The following PCDHA3 variants were observed in gnomAD, a reference collection of about 807,000 sequenced individuals.
The protein encoded by PCDHA3 is protocadherin alpha-3.
A neutral mutation model predicts 62.2 loss-of-function variants in PCDHA3; 41 were observed. That is an observed-to-expected ratio of 0.66 (90% CI 0.51 to 0.86). PCDHA3 has a LOEUF of 0.86. Ranked by LOEUF, PCDHA3 falls within the 40% of genes least tolerant of loss-of-function variation. PCDHA3 has a pLI of 0.00. For synonymous variants in PCDHA3, 640 were observed against 555.4 expected (o/e 1.15, Z -2.14); for missense variants, 1,304 against 1,241.2 (o/e 1.05, Z -0.76).
rs1309730061 is a variant in PCDHA3, at chr5:140,826,016, T to G, written c.2394+22425T>G. 2.6e-5 allele frequency among the ~76,000 whole-genome samples: 4 copies of G among 152,338 alleles called. No homozygotes were observed. In the South Asian group the frequency reaches 8.3e-4, roughly 32 times the overall value. On this transcript the variant is annotated intron_variant, in intron 1 of 3. Coordinates refer to ENST00000522353, the MANE Select transcript of PCDHA3 (RefSeq NM_018906.3). ...AGTAAATAGTCCACACTTTACATGA[T>G]AAAATGTGAATTCCCTATTTCTGTT...
chr5:140,802,410 T>C lies in PCDHA3; in HGVS notation c.1213T>C (p.Tyr405His), dbSNP rs1554122105. 1 of 1,614,228 alleles carries C rather than the reference T, an allele frequency of 6.2e-7. No individual in the cohort carries two copies. The highest frequency in any genetic ancestry group is 8.5e-7 in the Non-Finnish European group (1 of 1,180,032). The change falls in exon 1 of 4, where the codon TAC becomes CAC. Residue 405 changes from tyrosine (Y) to histidine (H), a missense_variant. Transcript: ENST00000522353. ...GCTGGTGTCCACCTTCAAGAATTAC[T>C]ACTCATTGGTGCTGGACAGCCCTCT... The part of the protein sequence containing the change: ...FKLVSTFKNY[Y>H]SLVLDSPLDR...
At chr5:140,969,410 T>C (rs528910445) in intron 1 of PCDHA3, 12 of 1,572,752 alleles carry the variant, frequency 7.6e-6, no homozygotes, top group South Asian at 1.2e-5. Flanking sequence ...TTTGGCTTTA[T>C]TGAGTCATTA....
chr5:140,841,732 C>G, intron 1 of PCDHA3: 7 of 1,613,858 alleles, frequency 4.3e-6, no homozygotes, highest in Non-Finnish European at 5.9e-6. Flanking sequence ...GGGTAAAAGA[C>G]CAAAAGCTGT....
In PCDHA3 at chr5:141,010,480, A is replaced by C; in HGVS notation, c.*543A>C. The C allele has an allele frequency of 1.4e-6, 1 of 696,098 alleles. No individual in the cohort carries two copies. Among genetic ancestry groups the C allele is most frequent in the Non-Finnish European group, 2.2e-6 (1 of 452,208 alleles). 43.1% of individuals were successfully genotyped at this position (696,098 alleles called of 1,614,324 possible). A position where few individuals can be genotyped will look rare whatever the true frequency, so the allele number is the denominator to read the frequency against. On this transcript the variant is annotated 3_prime_UTR_variant, in exon 4 of 4. Transcript: ENST00000522353. ...TTATCAGTATGGAGGGGAAGTGTAA[A>C]CTTAAAGGGACCAGACTTTCTAAAT...
rs2150380022 is a variant in PCDHA3, at chr5:140,845,577, T to A, written c.2394+41986T>A. 1.2e-4 allele frequency among the ~76,000 whole-genome samples: 18 copies of A among 149,706 alleles called. 1 individual carries two copies. The highest frequency in any genetic ancestry group is 6.9e-3 in the Middle Eastern group (2 of 290). On this transcript the variant is annotated intron_variant, in intron 1 of 3. Transcript: ENST00000522353. The stretch of plus-strand genomic sequence containing the variant: ...TTTTAGCTATTAAGAATTTCTGGGA[T>A]TGAAATGTGTCAGAAGTTAGTTATT...
intron 1 of PCDHA3, among the ~76,000 whole-genome samples, chr5:140,953,252 T>C (rs557973424): frequency 3.3e-5 from 5 of 152,318 alleles, no homozygotes; most frequent in Admixed American, 1.3e-4. Context: ...TTCAGTTTAG[T>C]TCTTTTAGCT....
chr5:140,891,970 C>G (rs1554185021), intron 1 of PCDHA3, among the ~76,000 whole-genome samples: 1 of 152,170 alleles, frequency 6.6e-6, no homozygotes, highest in East Asian at 1.9e-4. Flanking sequence ...AGTAAATTTC[C>G]GTTCTCATAA....
intron 1 of PCDHA3, among the ~76,000 whole-genome samples, chr5:140,939,155 G>C (rs1279259680): frequency 6.6e-6 from 1 of 152,196 alleles, no homozygotes; most frequent in Non-Finnish European, 1.5e-5. Flanking sequence ...GGTCCTGGCA[G>C]ATTTGTGTCT....
chr5:140,992,097 A>G (rs1466699064), intron 3 of PCDHA3, among the ~76,000 whole-genome samples: 7 of 151,212 alleles, frequency 4.6e-5, no homozygotes, highest in Non-Finnish European at 1.0e-4. Flanking sequence ...GAGAAAGAGA[A>G]TTAAGGTGAG....
chr5:140,834,770 C>G lies in PCDHA3; in HGVS notation c.2394+31179C>G, dbSNP rs781912893. 4 of 1,613,922 alleles carry G rather than the reference C, an allele frequency of 2.5e-6. No homozygotes were observed. Among genetic ancestry groups the G allele is most frequent in the African/African-American group, 1.3e-5 (1 of 74,870 alleles). On this transcript the variant is annotated intron_variant, in intron 1 of 3. Transcript: ENST00000522353. ...TGGAGGTGAAGGACATTAACGACAACCCTCCGGTGTTCCCAGCGACACAAA... is the reference window on the plus strand; with the variant it reads ...TGGAGGTGAAGGACATTAACGACAAGCCTCCGGTGTTCCCAGCGACACAAA...
intron 1 of PCDHA3, chr5:140,834,565 C>G (rs2150221167): frequency 2.5e-6 from 4 of 1,613,968 alleles, no homozygotes; most frequent in Admixed American, 3.3e-5. Context: ...GAGCTGGTGC[C>G]GCGCCTGTTC....
intron 1 of PCDHA3, among the ~76,000 whole-genome samples, chr5:140,917,749 C>G (rs2078340847): frequency 6.6e-6 from 1 of 152,144 alleles, no homozygotes; most frequent in African/African-American, 2.4e-5. Flanking sequence ...TCCCATTGGT[C>G]TATGTGTCTG....
intron 1 of PCDHA3, chr5:140,806,914 A>T: frequency 2.0e-6 from 1 of 491,334 alleles, no homozygotes; most frequent in Non-Finnish European, 3.6e-6. Context: ...CGACTGAAAT[A>T]ATAAATAAAA....
At chr5:140,958,620 T>C (rs1260968586) in intron 1 of PCDHA3, among the ~76,000 whole-genome samples, 1 of 152,132 alleles carries the variant, frequency 6.6e-6, no homozygotes, top group African/African-American at 2.4e-5. Flanking sequence ...CTAGTCCAGC[T>C]TGAGAGTACT....
intron 2 of PCDHA3, 83 bp from the exon 3 acceptor site, chr5:140,982,392 T>C: frequency 6.3e-7 from 1 of 1,598,158 alleles, no homozygotes. Context: ...GGCTTCATAG[T>C]TGTAAGCAAT....
chr5:140,849,154 C>G, intron 1 of PCDHA3: 1 of 1,231,386 alleles, frequency 8.1e-7, no homozygotes, highest in Non-Finnish European at 1.1e-6. Context: ...GGAGGCAAAC[C>G]CGAGCTGACT....
At chr5:140,954,947 T>G (rs2153704420) in intron 1 of PCDHA3, among the ~76,000 whole-genome samples, 1 of 152,360 alleles carries the variant, frequency 6.6e-6, no homozygotes, top group South Asian at 2.1e-4. Flanking sequence ...AGTTAATTTT[T>G]GTATAAGATG....
intron 1 of PCDHA3, chr5:140,852,936 T>A: frequency 1.7e-6 from 1 of 599,096 alleles, no homozygotes; most frequent in Non-Finnish European, 2.2e-6. Flanking sequence ...TGGAGTGCAG[T>A]GGTGCCATCT....
At chr5:140,979,068 C>G in intron 2 of PCDHA3, 61 bp downstream of exon 2, 1 of 1,602,182 alleles carries the variant, frequency 6.2e-7, no homozygotes. Flanking sequence ...CTCAGATAAA[C>G]TGCATCTCCA....
Sources: gnomAD v4.1 joint callset for allele counts (sites outside exome capture counted in the v4.1 genomes callset) on GRCh38, gnomAD v4.1.1 for gene constraint, MANE v1.5 for transcripts, NCBI Gene and HGNC (gene_info 2026-07-23, HGNC 2026-07-21) for gene names.